Variants in TMEM52B observed in about 807,000 individuals in gnomAD.
TMEM52B encodes the protein chromosome 12 open reading frame 59.
In TMEM52B, 11 loss-of-function variants were observed where a neutral mutation model predicts 16.1. The observed-to-expected ratio is 0.68, with a 90% CI of 0.43 to 1.13. The LOEUF (loss-of-function observed/expected upper bound fraction) is 1.13. Ranked by LOEUF, TMEM52B falls within the 50% of genes most tolerant of loss-of-function variation. The probability of loss-of-function intolerance (pLI) is 0.00; values close to 1 mark genes in which losing one functional copy is unlikely to be tolerated. For missense variants in TMEM52B, 243 were observed against 230.4 expected, an observed-to-expected ratio of 1.05 and a Z score of -0.35; for synonymous variants, 101 against 93.8, an observed-to-expected ratio of 1.08 and a Z score of -0.45.
chr12:10,185,400 C>T (rs1565427466), intron 3 of TMEM52B, 32 bp downstream of exon 3: 1 of 1,544,866 alleles, frequency 6.5e-7, no homozygotes, highest in Admixed American at 1.7e-5. Flanking sequence ...CAGAAAGACA[C>T]TGTATTCCTC....
At chr12:10,185,995 T>G (rs569014010) in intron 3 of TMEM52B, among the ~76,000 whole-genome samples, 5 of 152,000 alleles carry the variant, frequency 3.3e-5, no homozygotes, top group Admixed American at 1.3e-4. Context: ...GAGCTGAAAT[T>G]GTGCCACTGC....
chr12:10,189,623 C>CAAAAA lies in TMEM52B; in HGVS notation c.308-258_308-254dup, dbSNP rs766090432. ...GGGCAACAAGAGCAAAACTCCGTCT[C>CAAAAA]AAAAAAAAAAAAAAAAAAAGAGAGA... is the stretch of plus-strand genomic sequence containing the variant. On this transcript the variant is annotated intron_variant, in intron 4 of 4. Coordinates refer to ENST00000543484, the MANE Select transcript of TMEM52B (RefSeq NM_001384896.1). Among the ~76,000 whole-genome samples the CAAAAA allele has an allele frequency of 3.4e-3, 282 of 82,856 alleles. 2 individuals carry two copies. The highest frequency in any genetic ancestry group is 0.012 in the Middle Eastern group (2 of 162). 54.4% of individuals were successfully genotyped at this position (82,856 alleles called of 152,430 possible).
intron 1 of TMEM52B, among the ~76,000 whole-genome samples, chr12:10,180,157 C>A (rs753150569): frequency 2.2e-4 from 34 of 151,978 alleles, no homozygotes; most frequent in Non-Finnish European, 4.0e-4. Flanking sequence ...GGATTCTAAA[C>A]AATTGTCACA....
intron 2 of TMEM52B, among the ~76,000 whole-genome samples, chr12:10,183,061 CA>C (rs1948841494): frequency 6.6e-6 from 1 of 152,110 alleles, no homozygotes; most frequent in African/African-American, 2.4e-5. Flanking sequence ...ATGTAGTTAT[CA>C]ACTAATCCAA....
At chr12:10,187,611 T>C (rs1257277320) in intron 4 of TMEM52B, among the ~76,000 whole-genome samples, 1 of 151,656 alleles carries the variant, frequency 6.6e-6, no homozygotes, top group Non-Finnish European at 1.5e-5. Flanking sequence ...TTTATTTTTA[T>C]TATTGGTAGA....
chr12:10,177,144 C>T (rs969745921), upstream of TMEM52B, among the ~76,000 whole-genome samples: 1 of 152,172 alleles, frequency 6.6e-6, no homozygotes, highest in Non-Finnish European at 1.5e-5. Context: ...GGAAGGCCAC[C>T]TAAAGCCCTG....
At chr12:10,188,843 C>A (rs556076876) in intron 4 of TMEM52B, among the ~76,000 whole-genome samples, 2 of 151,736 alleles carry the variant, frequency 1.3e-5, no homozygotes, top group South Asian at 2.1e-4. Flanking sequence ...GCAGTGAAAC[C>A]CCATCTCTAC....
upstream of TMEM52B, among the ~76,000 whole-genome samples, chr12:10,176,448 C>T (rs1044455795): frequency 3.3e-5 from 5 of 152,112 alleles, no homozygotes; most frequent in African/African-American, 9.7e-5. Flanking sequence ...AAGTGCAATG[C>T]GAGCGGGGAG....
chr12:10,189,167 C>T (rs2137563639), intron 4 of TMEM52B, among the ~76,000 whole-genome samples: 1 of 144,732 alleles, frequency 6.9e-6, no homozygotes, highest in South Asian at 2.2e-4. Context: ...TGTGCCACTG[C>T]ACTCCAACCT....
At chr12:10,182,108 T>A in intron 1 of TMEM52B, 2 of 984,128 alleles carry the variant, frequency 2.0e-6, no homozygotes, top group African/African-American at 3.5e-5. Context: ...AGACTCTCTG[T>A]CCCACTGGCC....
In TMEM52B at chr12:10,190,635, A is replaced by G. The variant is rs1948947247; in HGVS notation, c.*495A>G. The G allele has an allele frequency of 5.9e-6, 1 of 168,644 alleles. No homozygotes were observed. The highest frequency in any genetic ancestry group is 1.3e-5 in the Non-Finnish European group (1 of 76,026). 10.4% of individuals were successfully genotyped at this position (168,644 alleles called of 1,614,324 possible). ...GACAATGATCATCTTAGACAGCACA[A>G]CATACCCACTCGGATATCTAAAAGC... On this transcript the variant is annotated 3_prime_UTR_variant, in exon 5 of 5. Transcript: ENST00000543484.
At chr12:10,189,259 A>C (rs937366649) in intron 4 of TMEM52B, among the ~76,000 whole-genome samples, 1 of 151,490 alleles carries the variant, frequency 6.6e-6, no homozygotes. Flanking sequence ...TAAGGAGTCT[A>C]TAGTATCGGG....
chr12:10,174,025 C>G (rs533864153), upstream of TMEM52B, among the ~76,000 whole-genome samples: 4 of 151,560 alleles, frequency 2.6e-5, no homozygotes, highest in African/African-American at 9.7e-5. Flanking sequence ...AGCAATAACT[C>G]CTGTGATGGT....
At chr12:10,178,882 T>G (rs1948791349), upstream of TMEM52B, 1 of 152,188 alleles carries the variant, frequency 6.6e-6, no homozygotes, top group Non-Finnish European at 1.5e-5. Context: ...ATGAGATGGC[T>G]TTCCTGTTCA....
chr12:10,177,806 TAA>T (rs1948778462), upstream of TMEM52B, among the ~76,000 whole-genome samples: 1 of 81,676 alleles, frequency 1.2e-5, no homozygotes, highest in Non-Finnish European at 2.7e-5. Flanking sequence ...ATAATAATAA[TAA>T]TAATAATTTT....
intron 4 of TMEM52B, among the ~76,000 whole-genome samples, chr12:10,189,453 G>A (rs992801086): frequency 2.3e-4 from 35 of 150,356 alleles, no homozygotes; most frequent in African/African-American, 7.8e-4. Context: ...GTGAAACCCT[G>A]TCTCTACTAA....
rs200907958 is a variant in TMEM52B at position 10,179,639 on chromosome 12, T to C, written c.54+11T>C. ...CTGTATTTCATCCTGGTGAGTTCAG[T>C]GGTGAAAAGGCAGAAAGAGTATTTT... On this transcript the variant is annotated intron_variant, in intron 1 of 4. Transcript: ENST00000543484. 5.6e-6 allele frequency: 9 copies of C among 1,614,128 alleles called. No individual in the cohort carries two copies. Among genetic ancestry groups the C allele is most frequent in the Non-Finnish European group, 7.6e-6 (9 of 1,179,994 alleles).
intron 1 of TMEM52B, among the ~76,000 whole-genome samples, chr12:10,181,247 G>C (rs957639640): frequency 1.6e-4 from 25 of 152,172 alleles, no homozygotes; most frequent in African/African-American, 6.0e-4. Flanking sequence ...GAGCAAACTT[G>C]TCCCCAGTGC....
intron 1 of TMEM52B, chr12:10,172,024 C>G (rs1948725505): frequency 6.2e-7 from 1 of 1,613,760 alleles, no homozygotes; most frequent in Non-Finnish European, 8.5e-7. Context: ...TTCCATTTGA[C>G]TTCTCATCAG....
Sources: allele counts gnomAD v4.1 joint callset (sites outside exome capture counted in the v4.1 genomes callset), GRCh38; gene constraint gnomAD v4.1.1; transcripts MANE v1.5; gene names NCBI Gene and HGNC (gene_info 2026-07-23, HGNC 2026-07-21).